DYNC1I1: variants seen among roughly 807,000 people sequenced by gnomAD.
The protein encoded by DYNC1I1 is cytoplasmic dynein 1 intermediate chain 1.
DYNC1I1 carries 43 observed loss-of-function variants against 86.6 expected under a neutral mutation model. That is an observed-to-expected ratio of 0.50 (90% CI 0.39 to 0.64). DYNC1I1 has a LOEUF of 0.64. Among genes scored for constraint, DYNC1I1 ranks in the 30% least tolerant of loss-of-function variants. DYNC1I1 has a pLI of 0.00. For missense variants in DYNC1I1, 604 were observed against 788.8 expected (o/e 0.77, Z 2.81); for synonymous variants, 262 against 283.7 (o/e 0.92, Z 0.77).
intron 6 of DYNC1I1, among the ~76,000 whole-genome samples, chr7:95,904,871 TG>T (rs1228577241): frequency 6.6e-6 from 1 of 152,230 alleles, no homozygotes; most frequent in Non-Finnish European, 1.5e-5. Context: ...TCTGACCCAC[TG>T]GCATGATATT....
chr7:95,854,957 T>TTACA (rs1235360610), intron 5 of DYNC1I1, among the ~76,000 whole-genome samples: 4 of 152,294 alleles, frequency 2.6e-5, no homozygotes, highest in African/African-American at 9.6e-5. Context: ...TGAGAGTAGG[T>TTACA]TACAGTCTAT....
chr7:95,961,879 GC>G (rs1419523792), intron 6 of DYNC1I1, among the ~76,000 whole-genome samples: 1 of 152,084 alleles, frequency 6.6e-6, no homozygotes, highest in Non-Finnish European at 1.5e-5. Context: ...CTTCCATCTA[GC>G]TTCCTGCCTT....
chr7:95,868,689 A>C (rs34353398), intron 5 of DYNC1I1, among the ~76,000 whole-genome samples: 31,617 of 152,146 alleles, frequency 0.21, 4,235 homozygotes, highest in East Asian at 0.46. Context: ...TTTAAAATAC[A>C]TATGTTTGTA....
chr7:96,082,669 CTA>C (rs1311900699), intron 16 of DYNC1I1, among the ~76,000 whole-genome samples: 4 of 152,100 alleles, frequency 2.6e-5, no homozygotes, highest in African/African-American at 9.7e-5. Flanking sequence ...CACACTGTCT[CTA>C]TGCAATAAGG....
At chr7:95,979,718 C>T (rs1204677409) in intron 7 of DYNC1I1, among the ~76,000 whole-genome samples, 2 of 152,148 alleles carry the variant, frequency 1.3e-5, no homozygotes, top group Non-Finnish European at 2.9e-5. Flanking sequence ...GAAGTTCAAT[C>T]GTTGTCAAGT....
intron 10 of DYNC1I1, among the ~76,000 whole-genome samples, chr7:96,020,253 T>C (rs1794511233): frequency 6.6e-6 from 1 of 151,986 alleles, no homozygotes. Flanking sequence ...ACTGGGAAAT[T>C]TACTAGAGAA....
intron 6 of DYNC1I1, among the ~76,000 whole-genome samples, chr7:95,970,091 C>T (rs887443239): frequency 3.3e-5 from 5 of 152,086 alleles, no homozygotes; most frequent in Admixed American, 2.0e-4. Context: ...TCTGGACTCC[C>T]GGCGAAGTTG....
chr7:95,968,306 T>C (rs1793070226), intron 6 of DYNC1I1, among the ~76,000 whole-genome samples: 1 of 152,072 alleles, frequency 6.6e-6, no homozygotes, highest in Non-Finnish European at 1.5e-5. Context: ...CTAGAGAACA[T>C]GTACTAATAT....
intron 1 of DYNC1I1, among the ~76,000 whole-genome samples, chr7:95,799,532 C>G (rs1228184520): frequency 1.3e-5 from 2 of 152,086 alleles, no homozygotes; most frequent in Admixed American, 6.5e-5. Context: ...GCAGGGGATG[C>G]CTGCTGGGGA....
intron 1 of DYNC1I1, among the ~76,000 whole-genome samples, chr7:95,786,823 C>T (rs1243359425): frequency 1.3e-5 from 2 of 152,136 alleles, no homozygotes; most frequent in Non-Finnish European, 2.9e-5. Flanking sequence ...GTAGCAGGGA[C>T]TGGAGCAGTG....
At chr7:95,950,777 A>G (rs1458819286) in intron 6 of DYNC1I1, among the ~76,000 whole-genome samples, 1 of 152,222 alleles carries the variant, frequency 6.6e-6, no homozygotes, top group Non-Finnish European at 1.5e-5. Context: ...TGGGGCCAGG[A>G]TCATCTTAGA....
intron 1 of DYNC1I1, among the ~76,000 whole-genome samples, chr7:95,800,197 C>T (rs1472840557): frequency 6.6e-6 from 1 of 151,418 alleles, no homozygotes; most frequent in East Asian, 1.9e-4. Flanking sequence ...AAAGGAAAAT[C>T]AGTAGTAGAG....
In DYNC1I1 at chr7:96,097,773, C is replaced by T. The variant is rs540530636; in HGVS notation, c.*180C>T. On this transcript the variant is annotated 3_prime_UTR_variant, in exon 17 of 17. Coordinates refer to ENST00000447467, the MANE Select transcript of DYNC1I1 (RefSeq NM_001135556.2). ...TGTGTCCCATCATGCTTTCCACTGA[C>T]CCAAAATTCACCACAGCATTTCTAT... The T allele has an allele frequency of 2.3e-6, 3 of 1,309,532 alleles. No individual in the cohort carries two copies. The Admixed American group carries it at 9.9e-5, about 43-fold the overall frequency. The allele number at this position is 1,309,532 out of a possible 1,614,324, so 81.1% of individuals were successfully genotyped here. A position where few individuals can be genotyped will look rare whatever the true frequency, so the allele number is the denominator to read the frequency against.
At chr7:95,814,994 G>GC (rs1794915790) in intron 4 of DYNC1I1, among the ~76,000 whole-genome samples, 2 of 151,794 alleles carry the variant, frequency 1.3e-5, no homozygotes, top group South Asian at 4.2e-4. Context: ...TCTTGGGGGG[G>GC]GTCCATTGGC....
At chr7:95,880,509 T>C (rs1374605702) in intron 6 of DYNC1I1, among the ~76,000 whole-genome samples, 1 of 152,142 alleles carries the variant, frequency 6.6e-6, no homozygotes. Flanking sequence ...CCATGAGTCA[T>C]ACTCAAGTCA....
At chr7:95,829,216 A>C (rs1396655323) in intron 5 of DYNC1I1, among the ~76,000 whole-genome samples, 1 of 152,122 alleles carries the variant, frequency 6.6e-6, no homozygotes, top group African/African-American at 2.4e-5. Flanking sequence ...TGTAGGTATA[A>C]AAGGAGGTTG....
chr7:95,777,852 C>A (rs947608625), intron 1 of DYNC1I1, among the ~76,000 whole-genome samples: 1 of 151,728 alleles, frequency 6.6e-6, no homozygotes, highest in Non-Finnish European at 1.5e-5. Context: ...ATTTTTTTTT[C>A]TCTTTTATAA....
intron 6 of DYNC1I1, among the ~76,000 whole-genome samples, chr7:95,954,915 C>CAAAAAAAAAAAAAAAAA (rs58435060): frequency 1.2e-4 from 10 of 81,856 alleles, no homozygotes; most frequent in South Asian, 6.5e-4. Flanking sequence ...GACTCTGTCT[C>CAAAAAAAAAAAAAAAAA]AAAAAAAAAA....
At chr7:95,910,419 C>A (rs1001170538) in intron 6 of DYNC1I1, among the ~76,000 whole-genome samples, 1 of 152,146 alleles carries the variant, frequency 6.6e-6, no homozygotes, top group Non-Finnish European at 1.5e-5. Context: ...TATCTGACAG[C>A]CCTAGCCCTT....
Sources: allele counts gnomAD v4.1 joint callset (sites outside exome capture counted in the v4.1 genomes callset), GRCh38; gene constraint gnomAD v4.1.1; transcripts MANE v1.5; gene names NCBI Gene and HGNC (gene_info 2026-07-23, HGNC 2026-07-21).